The following UTRN variants were observed in gnomAD, a reference collection of about 807,000 sequenced individuals.
UTRN encodes utrophin, also known as dystrophin-related protein 1.
Under a neutral mutation model 463.9 loss-of-function variants are expected in UTRN, and 283 were observed. The observed-to-expected ratio is 0.61, with a 90% confidence interval of 0.55 to 0.67. UTRN has a LOEUF of 0.67. Among genes scored for constraint, UTRN ranks in the 30% least tolerant of loss-of-function variants. The probability of loss-of-function intolerance (pLI) is 0.00; values close to 1 mark genes in which losing one functional copy is unlikely to be tolerated. For synonymous variants in UTRN, 1,442 were observed against 1,431.5 expected (o/e 1.01, Z -0.17); for missense variants, 3,922 against 4,084.3 (o/e 0.96, Z 1.08).
rs142852414 is a variant in UTRN at position 144,347,708 on chromosome 6, G to A, written c.80-55415G>A. Among the ~76,000 whole-genome samples, 719 of 152,212 alleles carry A rather than the reference G, an allele frequency of 4.7e-3. 5 individuals are homozygous for A. Among genetic ancestry groups the A allele is most frequent in the African/African-American group, 0.015 (614 of 41,510 alleles). ...GGCTCCAGGGCAGTGGTGTCCTTAT[G>A]AGGCAAGGCAGGTTGAGAACTTTGG... On this transcript the variant is annotated intron_variant, in intron 2 of 74. Coordinates refer to ENST00000367545, the MANE Select transcript of UTRN (RefSeq NM_007124.3).
chr6:144,707,057 A>AT (rs899724127), intron 53 of UTRN: 4 of 152,162 alleles, frequency 2.6e-5, no homozygotes, highest in Non-Finnish European at 5.9e-5. Context: ...CCTTTAAAGC[A>AT]TTTTTTCTCA....
chr6:144,799,595 A>G, intron 64 of UTRN: 1 of 430,002 alleles, frequency 2.3e-6, no homozygotes, highest in Non-Finnish European at 4.8e-6. Flanking sequence ...ACTACTGGGA[A>G]GATAATTCAA....
At chr6:144,637,654 AG>A (rs1295283802) in intron 51 of UTRN, among the ~76,000 whole-genome samples, 7 of 151,256 alleles carry the variant, frequency 4.6e-5, no homozygotes, top group South Asian at 2.1e-4. Context: ...AAAAAAAAAA[AG>A]AAATGGTGTT....
intron 25 of UTRN, among the ~76,000 whole-genome samples, chr6:144,476,772 AAGC>A (rs1791249725): frequency 6.6e-6 from 1 of 152,158 alleles, no homozygotes; most frequent in African/African-American, 2.4e-5. Context: ...AACCTTGAGA[AAGC>A]AGGGTCAATG....
intron 14 of UTRN, among the ~76,000 whole-genome samples, chr6:144,445,177 C>G (rs775572226): frequency 4.6e-5 from 7 of 151,824 alleles, no homozygotes; most frequent in Admixed American, 1.3e-4. Context: ...ATAGTGAAAC[C>G]CCGTCTCCAC....
intron 73 of UTRN, among the ~76,000 whole-genome samples, chr6:144,841,608 T>TAC (rs1179613912): frequency 3.3e-5 from 5 of 152,048 alleles, no homozygotes; most frequent in African/African-American, 9.7e-5. Context: ...TACATATATA[T>TAC]ACACACACAC....
At position 144,523,075 on chromosome 6, in the gene UTRN, G is replaced by T; in HGVS notation, c.5793G>T (p.Gln1931His). The T allele has an allele frequency of 6.2e-7, 1 of 1,613,330 alleles. No individual in the cohort carries two copies. Reference protein sequence around the residue: ...GEQIAVIHEKQPDVILEASGP... With the variant: ...GEQIAVIHEKHPDVILEASGP... ...AGATTGCAGTCATTCATGAAAAACA[G>T]CCAGATGTCATCCTTGAAGCCTCTG... Residue 1931 changes from glutamine (Q) to histidine (H), a missense_variant, in exon 41 of 75, where the codon CAG becomes CAT. Transcript: ENST00000367545.
At chr6:144,470,510 C>G (rs895901315) in intron 23 of UTRN, among the ~76,000 whole-genome samples, 2 of 151,178 alleles carry the variant, frequency 1.3e-5, no homozygotes, top group Non-Finnish European at 2.9e-5. Flanking sequence ...AGATGATGGG[C>G]GGCCAGGCAG....
intron 23 of UTRN, among the ~76,000 whole-genome samples, chr6:144,470,275 G>A (rs1390178159): frequency 6.6e-6 from 1 of 151,984 alleles, no homozygotes; most frequent in Non-Finnish European, 1.5e-5. Flanking sequence ...CAGATGGGGT[G>A]GCCGGGCAGA....
At chr6:144,635,540 T>TC (rs1777075940) in intron 51 of UTRN, among the ~76,000 whole-genome samples, 1 of 70,684 alleles carries the variant, frequency 1.4e-5, no homozygotes, top group Admixed American at 1.7e-4. Context: ...CTTTTCTTTT[T>TC]TTTTTTTTTT....
At chr6:144,319,117 A>G (rs1775468537) in intron 2 of UTRN, among the ~76,000 whole-genome samples, 1 of 148,962 alleles carries the variant, frequency 6.7e-6, no homozygotes, top group Non-Finnish European at 1.5e-5. Flanking sequence ...TTTGAATTAA[A>G]GTTAATTTTT....
chr6:144,457,883 A>T (rs967505656), intron 19 of UTRN, among the ~76,000 whole-genome samples: 3 of 152,222 alleles, frequency 2.0e-5, no homozygotes, highest in Non-Finnish European at 4.4e-5. Flanking sequence ...CTCAATAAAA[A>T]TGTGAAGCCA....
At chr6:144,729,429 T>A (rs1788282251) in intron 53 of UTRN, among the ~76,000 whole-genome samples, 1 of 152,228 alleles carries the variant, frequency 6.6e-6, no homozygotes, top group Admixed American at 6.5e-5. Context: ...TTATTCATTC[T>A]AACATATAAT....
At chr6:144,670,206 C>CTGTT (rs1780860614) in intron 51 of UTRN, among the ~76,000 whole-genome samples, 2 of 152,144 alleles carry the variant, frequency 1.3e-5, no homozygotes, top group Admixed American at 1.3e-4. Flanking sequence ...ACTCTCCATA[C>CTGTT]TGTTTTTCAT....
intron 50 of UTRN, among the ~76,000 whole-genome samples, chr6:144,560,801 A>G (rs981179198): frequency 6.6e-6 from 1 of 152,120 alleles, no homozygotes; most frequent in Non-Finnish European, 1.5e-5. Context: ...TCTGGTTAGT[A>G]TGAATAGCCT....
intron 69 of UTRN, among the ~76,000 whole-genome samples, chr6:144,834,097 A>G (rs1358044534): frequency 6.6e-6 from 1 of 152,210 alleles, no homozygotes; most frequent in Non-Finnish European, 1.5e-5. Flanking sequence ...GAATCAAAGG[A>G]TAATGCCGCA....
chr6:144,555,026 A>T, intron 49 of UTRN, 133 bp downstream of exon 49: 1 of 1,110,254 alleles, frequency 9.0e-7, no homozygotes, highest in Non-Finnish European at 1.2e-6. Context: ...AATGAAATTT[A>T]TATGAAGAAT....
intron 50 of UTRN, among the ~76,000 whole-genome samples, chr6:144,571,362 C>A (rs974757726): frequency 6.6e-6 from 1 of 152,144 alleles, no homozygotes; most frequent in Non-Finnish European, 1.5e-5. Context: ...TACAAAAAAA[C>A]CAACAACCAC....
At position 144,313,723 on chromosome 6, in the gene UTRN, G is replaced by A. The variant is rs141752461; in HGVS notation, c.79+21816G>A. Among the ~76,000 whole-genome samples, 598 of 152,290 alleles carry A rather than the reference G, an allele frequency of 3.9e-3. 2 individuals are homozygous for A. The highest frequency in any genetic ancestry group is 0.013 in the African/African-American group (547 of 41,556). ...TACTAGGACCCTGTGCCTCTAGACC[G>A]TGCTTTAGGACTTGCATATCCCCTT... On this transcript the variant is annotated intron_variant, in intron 2 of 74. Coordinates refer to ENST00000367545, the MANE Select transcript of UTRN (RefSeq NM_007124.3).
Sources: allele counts gnomAD v4.1 joint callset (sites outside exome capture counted in the v4.1 genomes callset), GRCh38; gene constraint gnomAD v4.1.1; transcripts MANE v1.5; gene names NCBI Gene and HGNC (gene_info 2026-07-23, HGNC 2026-07-21).